Variants in ZNF331 observed in about 807,000 individuals in gnomAD.
ZNF331 encodes the protein zinc finger protein 331.
ZNF331 carries 2 observed loss-of-function variants against 7.0 expected under a neutral mutation model. That is an observed-to-expected ratio of 0.29 (90% CI 0.12 to 0.90). The LOEUF is 0.90. ZNF331 is among the 40% of genes least tolerant of loss of function. The pLI is 0.58. For synonymous variants in ZNF331, 196 were observed against 205.4 expected (o/e 0.95, Z 0.39); for missense variants, 432 against 587.7 (o/e 0.74, Z 2.74).
chr19:53,520,639 C>A (rs549098687), upstream of ZNF331, among the ~76,000 whole-genome samples: 2 of 152,348 alleles, frequency 1.3e-5, no homozygotes, highest in East Asian at 3.9e-4. Context: ...CTGACGGCCG[C>A]GCTTCCAGCG....
intron 2 of ZNF331, among the ~76,000 whole-genome samples, chr19:53,542,224 A>G (rs970483301): frequency 6.6e-6 from 1 of 152,180 alleles, no homozygotes; most frequent in African/African-American, 2.4e-5. Context: ...TATGCCAGTG[A>G]TCTTTGCCTT....
At chr19:53,503,388 C>T in the ZNF331 span, 1 of 485,544 alleles carries the variant, frequency 2.1e-6, no homozygotes, top group Non-Finnish European at 3.8e-6. Context: ...TGGGAACTGA[C>T]AGAATGGCTG....
At chr19:53,568,403 T>G (rs1392959602) in intron 3 of ZNF331, among the ~76,000 whole-genome samples, 1 of 152,036 alleles carries the variant, frequency 6.6e-6, no homozygotes, top group Non-Finnish European at 1.5e-5. Flanking sequence ...TCACCAGAGC[T>G]CTGATGTTGG....
chr19:53,554,352 G>A (rs1300732600), intron 2 of ZNF331, among the ~76,000 whole-genome samples: 2 of 152,142 alleles, frequency 1.3e-5, no homozygotes, highest in African/African-American at 4.8e-5. Flanking sequence ...TGCGTTGGGG[G>A]TCTGTGTGCG....
intron 2 of ZNF331, among the ~76,000 whole-genome samples, chr19:53,551,929 C>G (rs949449035): frequency 6.6e-6 from 1 of 152,118 alleles, no homozygotes; most frequent in African/African-American, 2.4e-5. Flanking sequence ...AGGGATGGCT[C>G]TACAGCCTTT....
At chr19:53,518,047 G>A (rs2086945439), upstream of ZNF331, among the ~76,000 whole-genome samples, 1 of 152,196 alleles carries the variant, frequency 6.6e-6, no homozygotes, top group Admixed American at 6.5e-5. Context: ...GTTGCCAGAG[G>A]AGACTGATGT....
rs149125377 is a variant in ZNF331 at position 53,553,515 on chromosome 19, A to C, written c.-137-2330A>C. ...AACTTTCCCACACAAGATAATCTCC[A>C]AACATCTTGGGCATACATGTGTGTA... On this transcript the variant is annotated intron_variant, in intron 2 of 5. Coordinates refer to ENST00000449416, the MANE Select transcript of ZNF331 (RefSeq NM_001079906.2). Among the ~76,000 whole-genome samples, 1,126 of 152,314 alleles carry C rather than the reference A, an allele frequency of 7.4e-3. 13 individuals are homozygous for C. The highest frequency in any genetic ancestry group is 0.026 in the African/African-American group (1,070 of 41,560).
At position 53,573,499 on chromosome 19, in the gene ZNF331, A is replaced by C. The variant is rs2090563151; in HGVS notation, c.136+1769A>C. 6.7e-6 allele frequency among the ~76,000 whole-genome samples: 1 copy of C among 150,140 alleles called. No homozygotes were observed. Among genetic ancestry groups the C allele is most frequent in the Admixed American group, 6.7e-5 (1 of 15,018 alleles). On this transcript the variant is annotated intron_variant, in intron 5 of 5. Transcript: ENST00000449416. The surrounding 1 kb of genome is among the most constrained non-coding windows in gnomAD (Gnocchi z 4.2). ...AAGTTGAGATTTTTTTCTTTTTTTC[A>C]CTCTGTTACTCAGGCTGGAGTGCAG...
In ZNF331 at chr19:53,577,145, T is replaced by A. The variant is rs1280386896; in HGVS notation, c.585T>A (p.Ala195=). 1 of 1,613,698 alleles carries A rather than the reference T, an allele frequency of 6.2e-7. No homozygotes were observed. The highest frequency in any genetic ancestry group is 8.5e-7 in the Non-Finnish European group (1 of 1,179,946). The change falls in exon 6 of 6, where the codon GCT becomes GCA. Residue 195 remains alanine, a synonymous_variant. Coordinates refer to ENST00000449416, the MANE Select transcript of ZNF331 (RefSeq NM_001079906.2). ...KPYECKDCGK[A]FRWGSSLVIH... ...ACGAATGTAAAGACTGTGGGAAGGCTTTTCGATGGGGCTCAAGCCTCGTTA... is the reference window on the plus strand; with the variant it reads ...ACGAATGTAAAGACTGTGGGAAGGCATTTCGATGGGGCTCAAGCCTCGTTA...
At chr19:53,511,759 A>C in the ZNF331 span, among the ~76,000 whole-genome samples, 1 of 152,130 alleles carries the variant, frequency 6.6e-6, no homozygotes, top group Admixed American at 6.6e-5. Context: ...TATTTTTGCT[A>C]TACTTTATAA....
intron 4 of ZNF331, 145 bp downstream of exon 4, chr19:53,569,530 C>A: frequency 1.2e-6 from 1 of 867,942 alleles, no homozygotes; most frequent in Admixed American, 2.3e-5. Flanking sequence ...AATGATAATG[C>A]CACGTAGCTC....
intron 4 of ZNF331, among the ~76,000 whole-genome samples, chr19:53,569,776 G>A (rs79115848): frequency 1.3e-5 from 2 of 152,094 alleles, no homozygotes; most frequent in Non-Finnish European, 2.9e-5. Flanking sequence ...CATATTCGCC[G>A]GTCTGTCTTA....
chr19:53,506,233 G>A, the ZNF331 span, among the ~76,000 whole-genome samples: 1 of 129,322 alleles, frequency 7.7e-6, no homozygotes, highest in Non-Finnish European at 1.6e-5. Context: ...TACTCGGGAG[G>A]CTGAGGCAGG....
rs907080108 is a variant in ZNF331, at chr19:53,560,625, G to A, written c.-74+4717G>A. 1.3e-5 allele frequency among the ~76,000 whole-genome samples: 2 copies of A among 152,108 alleles called. No individual in the cohort carries two copies. Among genetic ancestry groups the A allele is most frequent in the African/African-American group, 2.4e-5 (1 of 41,400 alleles). Reference sequence around the variant, plus strand: ...TCAGAAGTCTGAAGTGGGTCTCACCGGGCTAAAACCAGGTTGTTGGAGGCT... The same window carrying A: ...TCAGAAGTCTGAAGTGGGTCTCACCAGGCTAAAACCAGGTTGTTGGAGGCT... On this transcript the variant is annotated intron_variant, in intron 3 of 5. Coordinates refer to ENST00000449416, the MANE Select transcript of ZNF331 (RefSeq NM_001079906.2). The surrounding 1 kb of genome is among the most constrained non-coding windows in gnomAD (Gnocchi z 4.3).
the ZNF331 span, among the ~76,000 whole-genome samples, chr19:53,506,552 G>A: frequency 6.8e-6 from 1 of 146,706 alleles, no homozygotes; most frequent in Non-Finnish European, 1.5e-5. Context: ...AGCTTCCTCT[G>A]GTCTACTGGC....
upstream of ZNF331, among the ~76,000 whole-genome samples, chr19:53,518,792 G>T (rs1393854862): frequency 5.9e-5 from 9 of 152,302 alleles, no homozygotes; most frequent in Admixed American, 3.9e-4. Flanking sequence ...CAGGCCCATT[G>T]GTCTTGCAAG....
rs2090865770 is a variant in ZNF331, at chr19:53,580,001, C to G, written c.*2049C>G. 4.8e-6 allele frequency: 1 copy of G among 209,162 alleles called. No homozygotes were observed. The highest frequency in any genetic ancestry group is 9.7e-6 in the Non-Finnish European group (1 of 102,922). The allele number at this position is 209,162 out of a possible 1,614,324, so 13.0% of individuals were successfully genotyped here. ...AGTGAAAATGTATTCAATGTCATTG[C>G]TCCTCAAGGAACTGTAGAGTAAAAC... On this transcript the variant is annotated 3_prime_UTR_variant, in exon 6 of 6. Transcript: ENST00000449416.
At chr19:53,533,101 G>A (rs1362789058) in intron 2 of ZNF331, among the ~76,000 whole-genome samples, 1 of 134,708 alleles carries the variant, frequency 7.4e-6, no homozygotes, top group African/African-American at 2.5e-5. Flanking sequence ...TTTGTTTAAG[G>A]TCTTTCTCCT....
At chr19:53,574,508 C>CT (rs1204789768) in intron 5 of ZNF331, among the ~76,000 whole-genome samples, 2 of 149,696 alleles carry the variant, frequency 1.3e-5, no homozygotes, top group Non-Finnish European at 3.0e-5. Context: ...ATTTTATGTG[C>CT]TGCTGGTGCT....
Sources: gnomAD v4.1 joint callset for allele counts (sites outside exome capture counted in the v4.1 genomes callset) on GRCh38, gnomAD v4.1.1 for gene constraint, Gnocchi (gnomAD v3.1) non-coding constraint, MANE v1.5 for transcripts, NCBI Gene and HGNC (gene_info 2026-07-23, HGNC 2026-07-21) for gene names.